The following PARN variants were observed in gnomAD, a reference collection of about 807,000 sequenced individuals.
PARN encodes poly(A)-specific ribonuclease.
Under a neutral mutation model 102.8 loss-of-function variants are expected in PARN, and 71 were observed. The ratio of observed to expected loss-of-function variants is 0.69; its 90% CI spans 0.57 to 0.84. The LOEUF (loss-of-function observed/expected upper bound fraction) is 0.84, where lower values mean the gene tolerates loss of function less well. Ranked by LOEUF, PARN falls within the 40% of genes least tolerant of loss-of-function variation. The probability of loss-of-function intolerance (pLI) is 0.00; values close to 1 mark genes in which losing one functional copy is unlikely to be tolerated. For missense variants in PARN, 782 were observed against 760.9 expected, an observed-to-expected ratio of 1.03 and a Z score of -0.33; for synonymous variants, 261 against 252.9, an observed-to-expected ratio of 1.03 and a Z score of -0.30.
chr16:14,604,242 C>A lies in PARN; in HGVS notation c.703-16G>T. The stretch of plus-strand genomic sequence containing the variant: ...ATCGCTCCTTCTAAAAGACATAAAG[C>A]AGATATACAATTTTCTTTTCTTTTT... On this transcript the variant is annotated splice_polypyrimidine_tract_variant and intron_variant, in intron 10 of 23. Transcript: ENST00000437198. 1 of 1,466,322 alleles carries A rather than the reference C, an allele frequency of 6.8e-7. No homozygotes were observed. Among genetic ancestry groups the A allele is most frequent in the South Asian group, 1.2e-5 (1 of 80,458 alleles). The allele number at this position is 1,466,322 out of a possible 1,614,324, so 90.8% of individuals were successfully genotyped here. A position where few individuals can be genotyped will look rare whatever the true frequency, so the allele number is the denominator to read the frequency against.
At chr16:14,573,180 CTTAT>C (rs1204876893) in intron 18 of PARN, among the ~76,000 whole-genome samples, 4 of 152,148 alleles carry the variant, frequency 2.6e-5, no homozygotes, top group Non-Finnish European at 4.4e-5. Context: ...CATGCCCAAC[CTTAT>C]TTATTTATTT....
intron 18 of PARN, among the ~76,000 whole-genome samples, chr16:14,570,321 CAAAAAAAAAAAAAA>C (rs59965954): frequency 2.2e-4 from 14 of 63,070 alleles, no homozygotes; most frequent in South Asian, 8.3e-4. Context: ...GACTCTGTCT[CAAAAAAAAAAAAAA>C]AAAAAAAAAA....
intron 5 of PARN, among the ~76,000 whole-genome samples, chr16:14,626,203 G>A (rs1363395116): frequency 6.6e-6 from 1 of 152,128 alleles, no homozygotes; most frequent in African/African-American, 2.4e-5. Flanking sequence ...TTTTTGCATA[G>A]GATACACACA....
chr16:14,550,240 G>A (rs1967209658), intron 21 of PARN, among the ~76,000 whole-genome samples: 1 of 151,786 alleles, frequency 6.6e-6, no homozygotes, highest in East Asian at 1.9e-4. Flanking sequence ...AGGATAGTGG[G>A]GAAATGGATC....
chr16:14,465,227 T>A (rs1238945592), intron 22 of PARN, among the ~76,000 whole-genome samples: 1 of 151,928 alleles, frequency 6.6e-6, no homozygotes, highest in African/African-American at 2.4e-5. Context: ...GACACTAAGC[T>A]CGGGTGCCAC....
At chr16:14,544,122 G>A (rs1480571596) in intron 21 of PARN, among the ~76,000 whole-genome samples, 2 of 152,178 alleles carry the variant, frequency 1.3e-5, no homozygotes, top group Non-Finnish European at 2.9e-5. Flanking sequence ...AACCCGGGAG[G>A]TGGAGGTTGC....
intron 9 of PARN, 29 bp from the exon 10 acceptor site, chr16:14,606,555 A>G (rs1276438548): frequency 7.5e-7 from 1 of 1,338,638 alleles, no homozygotes; most frequent in South Asian, 1.3e-5. Flanking sequence ...TAGTATCAGT[A>G]GATGAGTCAA....
chr16:14,622,211 C>T (rs959329461), intron 5 of PARN, among the ~76,000 whole-genome samples: 1 of 152,022 alleles, frequency 6.6e-6, no homozygotes, highest in African/African-American at 2.4e-5. Flanking sequence ...TAAAAAGATT[C>T]AAGACATGAG....
At chr16:14,489,359 C>T (rs1173269015) in intron 21 of PARN, among the ~76,000 whole-genome samples, 2 of 149,194 alleles carry the variant, frequency 1.3e-5, no homozygotes, top group East Asian at 2.0e-4. Flanking sequence ...GCAGGAGAAT[C>T]GCTTGAACAT....
chr16:14,489,867 C>G (rs777044148), intron 21 of PARN, among the ~76,000 whole-genome samples: 1 of 152,188 alleles, frequency 6.6e-6, no homozygotes, highest in East Asian at 1.9e-4. Flanking sequence ...TCGTATTAAC[C>G]CAATGGTTAC....
At chr16:14,581,140 C>T (rs140294900) in intron 17 of PARN, among the ~76,000 whole-genome samples, 197 bp from the exon 18 acceptor site, 4 of 152,202 alleles carry the variant, frequency 2.6e-5, no homozygotes, top group African/African-American at 9.6e-5. Context: ...GAAACTTCCA[C>T]CTCCCAGATT....
chr16:14,468,833 G>C (rs142528215), intron 22 of PARN, among the ~76,000 whole-genome samples: 2 of 151,296 alleles, frequency 1.3e-5, no homozygotes, highest in African/African-American at 4.9e-5. Context: ...CTTGAGCCCA[G>C]GAATAGGAGA....
Position 14,630,243 on chromosome 16 carries a change from G to C in PARN, c.-118C>G. ...TGAGGCAGCCGCAGCGGTGACGCCGGCCGCGACTTCCGGAAACAGCGCGCG... is the reference window on the plus strand; with the variant it reads ...TGAGGCAGCCGCAGCGGTGACGCCGCCCGCGACTTCCGGAAACAGCGCGCG... On this transcript the variant is annotated 5_prime_UTR_variant, in exon 1 of 24. Transcript: ENST00000437198. 2 of 895,212 alleles carry C rather than the reference G, an allele frequency of 2.2e-6. No homozygotes were observed. The highest frequency in any genetic ancestry group is 3.4e-6 in the Non-Finnish European group (2 of 590,748). The allele number at this position is 895,212 out of a possible 1,614,324, so 55.5% of individuals were successfully genotyped here.
intron 21 of PARN, among the ~76,000 whole-genome samples, chr16:14,502,224 G>A (rs537389126): frequency 6.6e-5 from 10 of 152,234 alleles, no homozygotes; most frequent in African/African-American, 2.2e-4. Context: ...CAAGGGGTGG[G>A]GACGCTAAAG....
Position 14,533,712 on chromosome 16 carries a change from G to A in PARN, c.1480+18309C>T, listed in dbSNP as rs182665918. 4.6e-5 allele frequency among the ~76,000 whole-genome samples: 7 copies of A among 152,134 alleles called. No homozygotes were observed. The East Asian group carries it at 1.2e-3, about 25-fold the overall frequency. On this transcript the variant is annotated intron_variant, in intron 21 of 23. Coordinates refer to ENST00000437198, the MANE Select transcript of PARN (RefSeq NM_002582.4). ...GCACAGGCATCACCATCGCCTCCTCGGAAGCCTTCCCTGGTGACCCTCTTC... is the reference window on the plus strand; with the variant it reads ...GCACAGGCATCACCATCGCCTCCTCAGAAGCCTTCCCTGGTGACCCTCTTC...
chr16:14,607,369 G>T (rs1016193256), intron 9 of PARN, among the ~76,000 whole-genome samples: 2 of 151,866 alleles, frequency 1.3e-5, no homozygotes, highest in African/African-American at 4.8e-5. Context: ...CACCATGTCC[G>T]GCTAAATTTT....
intron 22 of PARN, among the ~76,000 whole-genome samples, chr16:14,457,822 AAAAG>A (rs1292462001): frequency 7.3e-5 from 11 of 149,922 alleles, no homozygotes; most frequent in Non-Finnish European, 1.6e-4. Flanking sequence ...AAAAAAAAAA[AAAAG>A]AGTCTGTAAA....
intron 11 of PARN, among the ~76,000 whole-genome samples, chr16:14,601,634 T>C (rs1567436172): frequency 6.6e-6 from 1 of 152,050 alleles, no homozygotes; most frequent in African/African-American, 2.4e-5. Context: ...TAAAATTTTT[T>C]TGGGGGGGTC....
At chr16:14,445,642 G>A (rs1961167773) in intron 23 of PARN, among the ~76,000 whole-genome samples, 1 of 152,184 alleles carries the variant, frequency 6.6e-6, no homozygotes, top group Non-Finnish European at 1.5e-5. Flanking sequence ...GCTCACTGTA[G>A]CCTTGACCTC....
Sources: allele counts gnomAD v4.1 joint callset (sites outside exome capture counted in the v4.1 genomes callset), GRCh38; gene constraint gnomAD v4.1.1; transcripts MANE v1.5; gene names NCBI Gene and HGNC (gene_info 2026-07-23, HGNC 2026-07-21).